Variants in SLC9A9 observed in about 807,000 individuals in gnomAD.
SLC9A9 encodes sodium/hydrogen exchanger 9.
Under a neutral mutation model 77.8 loss-of-function variants are expected in SLC9A9, and 62 were observed. That is an observed-to-expected ratio of 0.80 (90% confidence interval 0.65 to 0.98). The LOEUF is 0.98. Among genes scored for constraint, SLC9A9 ranks in the 50% least tolerant of loss-of-function variants. The probability of loss-of-function intolerance (pLI) is 0.00; values close to 1 mark genes in which losing one functional copy is unlikely to be tolerated. For missense variants in SLC9A9, 775 were observed against 774.9 expected, an observed-to-expected ratio of 1.00 and a Z score of 0.00; for synonymous variants, 320 against 283.5, an observed-to-expected ratio of 1.13 and a Z score of -1.29.
At chr3:143,363,595 T>C (rs375630045) in intron 13 of SLC9A9, 32 bp from the exon 14 acceptor site, 33 of 1,572,838 alleles carry the variant, frequency 2.1e-5, no homozygotes, top group Non-Finnish European at 2.7e-5. Context: ...AGGCATTGGG[T>C]AAATAGTCAA....
chr3:143,798,033 C>T (rs1214431192), intron 2 of SLC9A9, among the ~76,000 whole-genome samples: 2 of 152,176 alleles, frequency 1.3e-5, no homozygotes, highest in Admixed American at 1.3e-4. Context: ...CCACCTACGA[C>T]CTCTGGTCCT....
At chr3:143,471,035 G>T (rs981531746) in intron 11 of SLC9A9, among the ~76,000 whole-genome samples, 2 of 152,086 alleles carry the variant, frequency 1.3e-5, no homozygotes, top group African/African-American at 4.8e-5. Flanking sequence ...ATTGTTAATC[G>T]GGGCCAAACC....
chr3:143,366,546 G>A (rs1384691658), intron 13 of SLC9A9, among the ~76,000 whole-genome samples: 1 of 152,182 alleles, frequency 6.6e-6, no homozygotes, highest in Non-Finnish European at 1.5e-5. Flanking sequence ...AAAATGAATT[G>A]AGGAAATTGG....
At chr3:143,763,051 CA>C (rs2007189288) in intron 4 of SLC9A9, among the ~76,000 whole-genome samples, 1 of 152,126 alleles carries the variant, frequency 6.6e-6, no homozygotes, top group African/African-American at 2.4e-5. Flanking sequence ...AACTATTGGC[CA>C]TAAGGTCTTC....
intron 12 of SLC9A9, among the ~76,000 whole-genome samples, chr3:143,448,335 C>G (rs1272310665): frequency 6.6e-6 from 1 of 152,036 alleles, no homozygotes; most frequent in Non-Finnish European, 1.5e-5. Context: ...TGTCCATTGG[C>G]GAATACTGAG....
rs1393518429 is a variant in SLC9A9 at position 143,362,291 on chromosome 3, ACAAAACTCTAACCT to A, written c.1604+1179_1604+1192del. On this transcript the variant is annotated intron_variant, in intron 14 of 15. Transcript: ENST00000316549. ...CTATAGATAACAGAGCTATGAAAAAACAAAACTCTAACCTCAAAAACCCTCTATCTTCCACATCA... is the reference window on the plus strand; with the variant it reads ...CTATAGATAACAGAGCTATGAAAAAACAAAAACCCTCTATCTTCCACATCA... Among the ~76,000 whole-genome samples, 6 of 152,330 alleles carry A rather than the reference ACAAAACTCTAACCT, an allele frequency of 3.9e-5. No individual in the cohort carries two copies. The East Asian group carries it at 1.2e-3, about 29-fold the overall frequency.
At chr3:143,546,894 G>T (rs2036800924) in intron 9 of SLC9A9, among the ~76,000 whole-genome samples, 1 of 152,138 alleles carries the variant, frequency 6.6e-6, no homozygotes, top group Admixed American at 6.5e-5. Flanking sequence ...TCCGTTGAAG[G>T]ACTTGTTGAT....
chr3:143,367,646 G>C (rs567282521), intron 13 of SLC9A9, among the ~76,000 whole-genome samples: 1 of 152,330 alleles, frequency 6.6e-6, no homozygotes, highest in African/African-American at 2.4e-5. Context: ...TATCTGATGA[G>C]GCAGCACAGA....
rs148671150 is a variant in SLC9A9, at chr3:143,834,979, C to T, written c.176-2758G>A. Among the ~76,000 whole-genome samples the T allele has an allele frequency of 5.5e-3, 836 of 152,242 alleles. 7 individuals carry two copies. The highest frequency in any genetic ancestry group is 9.7e-3 in the Non-Finnish European group (660 of 68,014). ...TTCACACTGAGGTCAGGCTCCCAGCCGATGACTGAACACAGCAGGGATACT... is the reference window on the plus strand; with the variant it reads ...TTCACACTGAGGTCAGGCTCCCAGCTGATGACTGAACACAGCAGGGATACT... On this transcript the variant is annotated intron_variant, in intron 1 of 15. Transcript: ENST00000316549.
rs191758014 is a variant in SLC9A9, at chr3:143,689,899, G to T, written c.649+3293C>A. ...ATCACTGAAAATTTAGGGTAAAGGAGACAGGGAGAGAAGCTAGATTTCTCT... is the reference window on the plus strand; with the variant it reads ...ATCACTGAAAATTTAGGGTAAAGGATACAGGGAGAGAAGCTAGATTTCTCT... On this transcript the variant is annotated intron_variant, in intron 5 of 15. Transcript: ENST00000316549. Among the ~76,000 whole-genome samples, 42 of 152,168 alleles carry T rather than the reference G, an allele frequency of 2.8e-4. No homozygotes were observed. The East Asian group carries it at 7.9e-3, about 29-fold the overall frequency.
chr3:143,403,887 G>C (rs566107329), intron 12 of SLC9A9, among the ~76,000 whole-genome samples: 1 of 152,190 alleles, frequency 6.6e-6, no homozygotes, highest in African/African-American at 2.4e-5. Context: ...GAGGTTTTCA[G>C]CCATTATTCC....
rs527315788 is a variant in SLC9A9, at chr3:143,677,399, T to A, written c.649+15793A>T. ...CTGGAAGGGCACTAATTTATTTTTT[T>A]AATAGACATACAATATTGTGTAGAT... On this transcript the variant is annotated intron_variant, in intron 5 of 15. Transcript: ENST00000316549. Among the ~76,000 whole-genome samples the A allele has an allele frequency of 2.0e-5, 3 of 152,324 alleles. No individual in the cohort carries two copies. The East Asian group carries it at 5.8e-4, about 29-fold the overall frequency.
At chr3:143,582,279 CT>C (rs2037468835) in intron 6 of SLC9A9, among the ~76,000 whole-genome samples, 1 of 152,162 alleles carries the variant, frequency 6.6e-6, no homozygotes, top group African/African-American at 2.4e-5. Flanking sequence ...TTTACCTCAT[CT>C]GTAAAATGGA....
At position 143,345,874 on chromosome 3, in the gene SLC9A9, G is replaced by A. The variant is rs981919724; in HGVS notation, c.1604+17610C>T. Among the ~76,000 whole-genome samples the A allele has an allele frequency of 1.0e-4, 15 of 146,646 alleles. No homozygotes were observed. In the East Asian group the frequency reaches 2.7e-3, roughly 26 times the overall value. ...GAATGGATTCCAATCTGAACAAGTA[G>A]GAAGGTGGAGAAAGGACAGACATTA... On this transcript the variant is annotated intron_variant, in intron 14 of 15. Transcript: ENST00000316549.
chr3:143,700,061 T>C (rs1933753167), intron 4 of SLC9A9, among the ~76,000 whole-genome samples: 1 of 151,880 alleles, frequency 6.6e-6, no homozygotes, highest in Non-Finnish European at 1.5e-5. Context: ...AGCTCCCAGA[T>C]AACATTTCTA....
chr3:143,393,600 C>G (rs1460380464), intron 12 of SLC9A9, among the ~76,000 whole-genome samples: 1 of 151,964 alleles, frequency 6.6e-6, no homozygotes, highest in Non-Finnish European at 1.5e-5. Flanking sequence ...TAACTAAGAT[C>G]AGAGCAGAAA....
At chr3:143,563,568 T>G (rs2037121537) in intron 8 of SLC9A9, among the ~76,000 whole-genome samples, 1 of 152,148 alleles carries the variant, frequency 6.6e-6, no homozygotes, top group South Asian at 2.1e-4. Context: ...GAAGGTAGTC[T>G]GTTTAGTGGT....
intron 13 of SLC9A9, among the ~76,000 whole-genome samples, chr3:143,365,032 C>A (rs1441172076): frequency 5.9e-5 from 9 of 152,116 alleles, no homozygotes; most frequent in Non-Finnish European, 1.3e-4. Context: ...AACCTAAATG[C>A]CCATCAATGG....
At chr3:143,614,589 A>T (rs1281952155) in intron 6 of SLC9A9, among the ~76,000 whole-genome samples, 2 of 152,204 alleles carry the variant, frequency 1.3e-5, no homozygotes, top group African/African-American at 4.8e-5. Flanking sequence ...CTATAATTGG[A>T]TCATGTCTTT....
Sources: allele counts gnomAD v4.1 joint callset (sites outside exome capture counted in the v4.1 genomes callset), GRCh38; gene constraint gnomAD v4.1.1; transcripts MANE v1.5; gene names NCBI Gene and HGNC (gene_info 2026-07-23, HGNC 2026-07-21).